CBLC: variants seen among roughly 807,000 people sequenced by gnomAD.
CBLC encodes the protein Cbl proto-oncogene C, also known as E3 ubiquitin-protein ligase CBL-C.
A neutral mutation model predicts 58.6 loss-of-function variants in CBLC; 46 were observed. The ratio of observed to expected loss-of-function variants is 0.79; its 90% CI spans 0.62 to 1.00. The LOEUF is 1.00. CBLC is among the 50% of genes least tolerant of loss of function. The pLI, the probability that CBLC is intolerant of heterozygous loss-of-function variation, is 0.00. For missense variants in CBLC, 655 were observed against 625.8 expected, an observed-to-expected ratio of 1.05 and a Z score of -0.50; for synonymous variants, 271 against 264.2, an observed-to-expected ratio of 1.03 and a Z score of -0.25.
At chr19:44,789,384 A>G (rs577131101) in intron 5 of CBLC, among the ~76,000 whole-genome samples, 2 of 151,854 alleles carry the variant, frequency 1.3e-5, no homozygotes, top group Non-Finnish European at 2.9e-5. Context: ...GTGAGGTTCT[A>G]GAAGAGCTAA....
intron 5 of CBLC, among the ~76,000 whole-genome samples, chr19:44,788,123 C>CT (rs1334441622): frequency 1.3e-5 from 2 of 150,148 alleles, no homozygotes. Context: ...TTTGGTGGTT[C>CT]TTTTTTTTTC....
intron 6 of CBLC, among the ~76,000 whole-genome samples, chr19:44,791,693 C>G (rs1968053700): frequency 6.7e-6 from 1 of 148,662 alleles, no homozygotes; most frequent in Admixed American, 6.7e-5. Context: ...GATCGCGCCA[C>G]TGCACTCCAG....
chr19:44,780,630 G>T (rs934165263), intron 1 of CBLC, among the ~76,000 whole-genome samples: 2 of 150,422 alleles, frequency 1.3e-5, no homozygotes, highest in African/African-American at 4.9e-5. Context: ...GCGCCACCAC[G>T]CCAGGCTAAT....
In CBLC at chr19:44,800,436, C is replaced by T. The variant is rs1298249941; in HGVS notation, c.1418C>T (p.Pro473Leu). ...PAALGPQDPAPA is the reference protein window; with the variant it reads ...PAALGPQDPALA ...GCGCTGGGACCCCAGGACCCTGCCC[C>T]GGCCTGAAGGCCAGGTGAGTCCATT... is the stretch of plus-strand genomic sequence containing the variant. Residue 473 changes from proline to leucine, a missense_variant, in exon 10 of 11, where the codon CCG becomes CTG. Coordinates refer to ENST00000647358, the MANE Select transcript of CBLC (RefSeq NM_012116.4). The T allele has an allele frequency of 4.3e-6, 7 of 1,611,166 alleles. No homozygotes were observed. The highest frequency in any genetic ancestry group is 1.7e-4 in the Middle Eastern group (1 of 6,036).
chr19:44,794,155 A>G (rs1968127398), intron 8 of CBLC, 49 bp from the exon 9 acceptor site: 1 of 1,573,966 alleles, frequency 6.4e-7, no homozygotes, highest in Non-Finnish European at 8.6e-7. Context: ...GGAGGCGAGA[A>G]GAAAATGGCA....
chr19:44,778,364 A>C (rs1297452408), intron 1 of CBLC, 80 bp downstream of exon 1: 1 of 1,176,480 alleles, frequency 8.5e-7, no homozygotes, highest in Admixed American at 6.4e-5. Flanking sequence ...CAGACCCAGG[A>C]ACTTAGGCCC....
intron 5 of CBLC, among the ~76,000 whole-genome samples, chr19:44,785,785 A>C (rs1314830276): frequency 2.0e-5 from 3 of 152,036 alleles, no homozygotes; most frequent in Non-Finnish European, 4.4e-5. Flanking sequence ...AAAATTAAAA[A>C]AAATTAGCTG....
chr19:44,792,304 T>TTCC, intron 6 of CBLC, 79 bp from the exon 7 acceptor site: 1 of 1,550,976 alleles, frequency 6.4e-7, no homozygotes, highest in Non-Finnish European at 8.8e-7. Flanking sequence ...AGGTTTGGGA[T>TTCC]TTTCTTCCTG....
chr19:44,786,574 G>A (rs973332305), intron 5 of CBLC, among the ~76,000 whole-genome samples: 7 of 147,164 alleles, frequency 4.8e-5, no homozygotes, highest in African/African-American at 1.0e-4. Context: ...CAGCCTGAGC[G>A]ACAGAGCAAG....
intron 8 of CBLC, 112 bp downstream of exon 8, chr19:44,793,732 TGG>T (rs1240785274): frequency 2.9e-6 from 3 of 1,039,760 alleles, no homozygotes; most frequent in Non-Finnish European, 4.2e-6. Flanking sequence ...CCTGGACTCC[TGG>T]GTCTGAGGGA....
Position 44,777,922 on chromosome 19 carries a change from C to G in CBLC, c.-10C>G. The G allele has an allele frequency of 6.4e-7, 1 of 1,557,586 alleles. No homozygotes were observed. Among genetic ancestry groups the G allele is most frequent in the Non-Finnish European group, 8.6e-7 (1 of 1,158,232 alleles). On this transcript the variant is annotated 5_prime_UTR_variant, in exon 1 of 11. Transcript: ENST00000647358. ...CCGCACCGGTCCTTCCCGGCACACG[C>G]GAGGCTCCCATGGCTCTGGCGGTGG...
intron 8 of CBLC, 75 bp from the exon 9 acceptor site, chr19:44,794,129 C>T: frequency 1.3e-6 from 2 of 1,548,642 alleles, no homozygotes; most frequent in Non-Finnish European, 1.7e-6. Context: ...ATGCTGAGTC[C>T]CAGGCAGGAG....
chr19:44,780,840 G>A, intron 1 of CBLC, 65 bp from the exon 2 acceptor site: 1 of 1,504,922 alleles, frequency 6.6e-7, no homozygotes, highest in African/African-American at 1.4e-5. Context: ...TGTTCCCCAT[G>A]AGGGGAGGAA....
chr19:44,793,976 G>C, intron 8 of CBLC: 1 of 256,056 alleles, frequency 3.9e-6, no homozygotes, highest in Non-Finnish European at 6.1e-6. Flanking sequence ...GGAGGGGGCT[G>C]ATAACAAGAT....
chr19:44,786,682 C>T (rs979392376), intron 5 of CBLC, among the ~76,000 whole-genome samples: 1 of 152,170 alleles, frequency 6.6e-6, no homozygotes, highest in Non-Finnish European at 1.5e-5. Context: ...TCACAACCAA[C>T]AGCAGTATAA....
intron 5 of CBLC, among the ~76,000 whole-genome samples, chr19:44,788,973 A>G (rs545588829): frequency 4.6e-5 from 7 of 152,334 alleles, no homozygotes; most frequent in African/African-American, 1.7e-4. Context: ...ACTGCTCCAC[A>G]TGACAGGCCA....
At chr19:44,780,656 A>T (rs1220923210) in intron 1 of CBLC, among the ~76,000 whole-genome samples, 1 of 150,420 alleles carries the variant, frequency 6.6e-6, no homozygotes, top group African/African-American at 2.5e-5. Context: ...TATTTTCAGT[A>T]CAGACAGGGT....
rs58171575 is a variant in CBLC at position 44,784,950 on chromosome 19, G to GTT, written c.917+587_917+588dup. Among the ~76,000 whole-genome samples the GTT allele has an allele frequency of 8.3e-3, 286 of 34,364 alleles. 115 individuals carry two copies. The highest frequency in any genetic ancestry group is 0.014 in the Non-Finnish European group (212 of 15,214). The allele number at this position is 34,364 out of a possible 152,430, so 22.5% of individuals were successfully genotyped here. A position where few individuals can be genotyped will look rare whatever the true frequency, so the allele number is the denominator to read the frequency against. On this transcript the variant is annotated intron_variant, in intron 5 of 10. Transcript: ENST00000647358. ...GAACTGGAGAACTTGCTAGACAGGT[G>GTT]TTTTTTTTTTTTTTTTTTTTTTTTT...
chr19:44,778,128 G>C lies in CBLC; in HGVS notation c.197G>C (p.Gly66Ala). Residue 66 changes from glycine (G) to alanine (A), a missense_variant, in exon 1 of 11, where the codon GGC becomes GCC. Physicochemically the swap from Gly to Ala is moderately conservative, Grantham distance 60. This residue lies in a region of CBLC where 280 missense variants were observed against 237.2 expected (regional missense o/e 1.18). Coordinates refer to ENST00000647358, the MANE Select transcript of CBLC (RefSeq NM_012116.4). ...REVAHSRRAA[G>A]GGGPGGPGGS... ...GTGGCCCATTCTCGGCGGGCGGCCG[G>C]CGGAGGCGGCCCCGGGGGTCCCGGC... The C allele has an allele frequency of 6.3e-7, 1 of 1,597,026 alleles. No individual in the cohort carries two copies. The highest frequency in any genetic ancestry group is 8.5e-7 in the Non-Finnish European group (1 of 1,175,060).
Sources: gnomAD v4.1 joint callset for allele counts (sites outside exome capture counted in the v4.1 genomes callset) on GRCh38, gnomAD v4.1.1 for gene constraint, gnomAD v4.1.1 regional missense constraint, MANE v1.5 for transcripts, NCBI Gene and HGNC (gene_info 2026-07-23, HGNC 2026-07-21) for gene names.